Variants in RGMB observed in about 807,000 individuals in gnomAD.
The protein encoded by RGMB is repulsive guidance molecule B.
Under a neutral mutation model 26.9 loss-of-function variants are expected in RGMB, and 16 were observed. That is an observed-to-expected ratio of 0.60 (90% CI 0.40 to 0.90). The LOEUF (loss-of-function observed/expected upper bound fraction) is 0.90, where lower values mean the gene tolerates loss of function less well. Among genes scored for constraint, RGMB ranks in the 40% least tolerant of loss-of-function variants. The pLI, the probability that RGMB is intolerant of heterozygous loss-of-function variation, is 0.00. For missense variants in RGMB, 512 were observed against 573.3 expected (o/e 0.89, Z 1.09); for synonymous variants, 225 against 229.3 (o/e 0.98, Z 0.17).
intron 2 of RGMB, among the ~76,000 whole-genome samples, chr5:98,790,927 A>C (rs1317923735): frequency 3.3e-5 from 5 of 152,170 alleles, no homozygotes; most frequent in Non-Finnish European, 5.9e-5. Flanking sequence ...TTGACTTTCA[A>C]CTTTTTCAGG....
upstream of RGMB, chr5:98,772,952 G>T (rs1384719504): frequency 6.6e-6 from 1 of 152,210 alleles, no homozygotes; most frequent in African/African-American, 2.4e-5. Context: ...GAAGGGAAAT[G>T]TCAAACTAGA....
chr5:98,777,136 A>T (rs545285852), intron 1 of RGMB, among the ~76,000 whole-genome samples: 1 of 151,826 alleles, frequency 6.6e-6, no homozygotes, highest in Non-Finnish European at 1.5e-5. Context: ...CAAGGAAGGT[A>T]TGAAAAGGGA....
At chr5:98,779,345 G>A (rs1267113378) in intron 1 of RGMB, among the ~76,000 whole-genome samples, 2 of 152,186 alleles carry the variant, frequency 1.3e-5, no homozygotes, top group Admixed American at 6.5e-5. Flanking sequence ...TTCACTCACA[G>A]TGGCTCATGC....
intron 1 of RGMB, among the ~76,000 whole-genome samples, chr5:98,777,195 G>T (rs1389177741): frequency 6.6e-6 from 1 of 152,064 alleles, no homozygotes; most frequent in African/African-American, 2.4e-5. Context: ...GGTTCCATCT[G>T]CATTTCCATA....
upstream of RGMB, chr5:98,770,981 C>T (rs1746143597): frequency 3.0e-6 from 1 of 327,914 alleles, no homozygotes. Flanking sequence ...CAGAGATTCT[C>T]CTGTTAGATT....
At position 98,780,089 on chromosome 5, in the gene RGMB, G is replaced by C; in HGVS notation, c.645+1G>C. 6.2e-7 allele frequency: 1 copy of C among 1,604,272 alleles called. No homozygotes were observed. The highest frequency in any genetic ancestry group is 8.5e-7 in the Non-Finnish European group (1 of 1,178,076). ...ATCCAGTGCTACTGCTACAAATAAG[G>C]CAAGTATACCTTCTTTTTTCCCTCT... On this transcript the variant is annotated splice_donor_variant, in intron 2 of 2. Transcript: ENST00000513185. LOFTEE classifies it high-confidence loss of function.
At chr5:98,788,413 T>G (rs971589656) in intron 2 of RGMB, among the ~76,000 whole-genome samples, 13 of 152,244 alleles carry the variant, frequency 8.5e-5, no homozygotes, top group Non-Finnish European at 1.9e-4. Context: ...CTAACAGTTT[T>G]TTTCATAATT....
In RGMB at chr5:98,792,785, A is replaced by C. The variant is rs1199229706; in HGVS notation, c.646-300A>C. 6.0e-5 allele frequency: 12 copies of C among 200,028 alleles called. No homozygotes were observed. The South Asian group carries it at 1.7e-3, about 29-fold the overall frequency. 12.4% of individuals were successfully genotyped at this position (200,028 alleles called of 1,614,324 possible). Reference sequence around the variant, plus strand: ...ACCCTGTCACTTAAAAAAAAAAAAAAAAAAAAACCGATATTCTGATAGCAA... The same window carrying C: ...ACCCTGTCACTTAAAAAAAAAAAAACAAAAAAACCGATATTCTGATAGCAA... On this transcript the variant is annotated intron_variant, in intron 2 of 2. Transcript: ENST00000513185.
chr5:98,774,067 G>T lies in RGMB; in HGVS notation c.-4G>T, dbSNP rs372401498. 9.4e-5 allele frequency: 89 copies of T among 946,202 alleles called. 1 individual carries two copies. In the South Asian group the frequency reaches 1.2e-3, roughly 12 times the overall value. 58.6% of individuals were successfully genotyped at this position (946,202 alleles called of 1,614,324 possible). A position where few individuals can be genotyped will look rare whatever the true frequency, so the allele number is the denominator to read the frequency against. On this transcript the variant is annotated 5_prime_UTR_variant, in exon 1 of 3. Transcript: ENST00000513185. ...CGGAGCCCACGAGACCTGCATGGAC[G>T]GGCATGGGCTTGAGAGCAGCACCTT...
At chr5:98,785,801 C>T (rs1015843430) in intron 2 of RGMB, among the ~76,000 whole-genome samples, 1 of 152,126 alleles carries the variant, frequency 6.6e-6, no homozygotes, top group Non-Finnish European at 1.5e-5. Flanking sequence ...ACATTAAAAG[C>T]CAGGTTTTCA....
upstream of RGMB, chr5:98,770,843 G>A (rs1021185035): frequency 9.2e-6 from 4 of 435,196 alleles, no homozygotes; most frequent in Non-Finnish European, 1.6e-5. Flanking sequence ...GCTGCTTGAC[G>A]CTGAGCTGTT....
In RGMB at chr5:98,773,941, A is replaced by C. The variant is rs1746278726; in HGVS notation, c.-130A>C. On this transcript the variant is annotated 5_prime_UTR_variant, in exon 1 of 3. Transcript: ENST00000513185. ...GCGGTGGTGGCGCCCCATCTGCTACACGGGCCTGAAGAAGGAAGAAGAGGA... is the reference window on the plus strand; with the variant it reads ...GCGGTGGTGGCGCCCCATCTGCTACCCGGGCCTGAAGAAGGAAGAAGAGGA... 3.3e-6 allele frequency: 2 copies of C among 599,626 alleles called. No homozygotes were observed. The highest frequency in any genetic ancestry group is 2.0e-5 in the African/African-American group (1 of 50,814). 37.1% of individuals were successfully genotyped at this position (599,626 alleles called of 1,614,324 possible). A position where few individuals can be genotyped will look rare whatever the true frequency, so the allele number is the denominator to read the frequency against.
At chr5:98,777,843 G>T (rs1472225191) in intron 1 of RGMB, among the ~76,000 whole-genome samples, 1 of 152,072 alleles carries the variant, frequency 6.6e-6, no homozygotes, top group Non-Finnish European at 1.5e-5. Context: ...AGTATGATTT[G>T]ATGATTGCTG....
In RGMB at chr5:98,795,004, T is replaced by G. The variant is rs1202263393; in HGVS notation, c.*1251T>G. On this transcript the variant is annotated 3_prime_UTR_variant, in exon 3 of 3. Transcript: ENST00000513185. ...ATTGTGCTTCCCAGGTGGTCTGAAG[T>G]CAGGTACTCTCTCTCTCAACACCTG... is the stretch of plus-strand genomic sequence containing the variant. The G allele has an allele frequency of 6.6e-6, 1 of 152,234 alleles. No homozygotes were observed. The highest frequency in any genetic ancestry group is 1.5e-5 in the Non-Finnish European group (1 of 68,052). The allele number at this position is 152,234 out of a possible 1,614,324, so 9.4% of individuals were successfully genotyped here. A position where few individuals can be genotyped will look rare whatever the true frequency, so the allele number is the denominator to read the frequency against.
At position 98,780,105 on chromosome 5, in the gene RGMB, T is replaced by C; in HGVS notation, c.645+17T>C. 6.3e-7 allele frequency: 1 copy of C among 1,593,804 alleles called. No individual in the cohort carries two copies. On this transcript the variant is annotated intron_variant, in intron 2 of 2. Coordinates refer to ENST00000513185, the MANE Select transcript of RGMB (RefSeq NM_001366508.1). ...ACAAATAAGGCAAGTATACCTTCTT[T>C]TTTCCCTCTCCCTACTCAACTTTCA...
In RGMB at chr5:98,793,407, A is replaced by AT; in HGVS notation, c.969dup (p.Asp324Ter). 1 of 1,613,006 alleles carries AT rather than the reference A, an allele frequency of 6.2e-7. No homozygotes were observed. Among genetic ancestry groups the AT allele is most frequent in the Non-Finnish European group, 8.5e-7 (1 of 1,179,540 alleles). ...GGCTGCCCCCTGAGTGAACGCATCG[A>AT]TGACGGGCAGGGCCAGGTGTCTGCC... On this transcript the variant is annotated frameshift_variant, in exon 3 of 3. Transcript: ENST00000513185. LOFTEE classifies it high-confidence loss of function.
At chr5:98,792,525 G>A (rs1031501560) in intron 2 of RGMB, among the ~76,000 whole-genome samples, 2 of 152,040 alleles carry the variant, frequency 1.3e-5, no homozygotes, top group African/African-American at 4.8e-5. Context: ...CTTGAGGCCA[G>A]GAGTTCAAGA....
chr5:98,778,675 C>A (rs556575667), intron 1 of RGMB, among the ~76,000 whole-genome samples: 4 of 152,030 alleles, frequency 2.6e-5, no homozygotes, highest in Non-Finnish European at 5.9e-5. Context: ...AGTTTTTGTG[C>A]TTTAGGAGAT....
chr5:98,774,383 C>A (rs113387200), intron 1 of RGMB, among the ~76,000 whole-genome samples, 177 bp downstream of exon 1: 1 of 152,202 alleles, frequency 6.6e-6, no homozygotes, highest in South Asian at 2.1e-4. Context: ...ACGCAGCCAC[C>A]CACCGGGCGG....
Sources: allele counts gnomAD v4.1 joint callset (sites outside exome capture counted in the v4.1 genomes callset), GRCh38; gene constraint gnomAD v4.1.1; transcripts MANE v1.5; gene names NCBI Gene and HGNC (gene_info 2026-07-23, HGNC 2026-07-21).